TMEM43: variants seen among roughly 807,000 people sequenced by gnomAD.
TMEM43 encodes the protein arrhythmogenic right ventricular dysplasia 5.
A neutral mutation model predicts 49.6 loss-of-function variants in TMEM43; 45 were observed. That is an observed-to-expected ratio of 0.91 (90% CI 0.71 to 1.16). The LOEUF is 1.16. Ranked by LOEUF, TMEM43 falls within the 50% of genes most tolerant of loss-of-function variation. The pLI, the probability that TMEM43 is intolerant of heterozygous loss-of-function variation, is 0.00. For synonymous variants in TMEM43, 199 were observed against 207.8 expected (o/e 0.96, Z 0.36); for missense variants, 532 against 516.6 (o/e 1.03, Z -0.29).
At chr3:14,125,338 G>C in intron 1 of TMEM43, 133 bp downstream of exon 1, 1 of 1,117,868 alleles carries the variant, frequency 8.9e-7, no homozygotes, top group Non-Finnish European at 1.3e-6. Context: ...CCCTCTGCTC[G>C]CCGTGTCTGT....
In TMEM43 at chr3:14,142,007, C is replaced by T. The variant is rs1438343489; in HGVS notation, c.*212C>T. ...CACATCTCTTCTTGCCAGTAAGCAG[C>T]TTTGGTGGGCAGCAGCAGCTCATGA... On this transcript the variant is annotated 3_prime_UTR_variant, in exon 12 of 12. Transcript: ENST00000306077. 3.4e-6 allele frequency: 2 copies of T among 592,370 alleles called. No homozygotes were observed. Among genetic ancestry groups the T allele is most frequent in the East Asian group, 5.6e-5 (2 of 35,572 alleles). The allele number at this position is 592,370 out of a possible 1,614,324, so 36.7% of individuals were successfully genotyped here. A position where few individuals can be genotyped will look rare whatever the true frequency, so the allele number is the denominator to read the frequency against.
In TMEM43 at chr3:14,134,764, C is replaced by T; in HGVS notation, c.584-6C>T. The stretch of plus-strand genomic sequence containing the variant: ...CCTGGGTTTCTAACCACTCTGGTCC[C>T]CTCAGGCCTCATCGACAAAGTCGAC... On this transcript the variant is annotated splice_region_variant and splice_polypyrimidine_tract_variant and intron_variant, in intron 7 of 11. Transcript: ENST00000306077. 6.2e-7 allele frequency: 1 copy of T among 1,614,076 alleles called. No homozygotes were observed. Among genetic ancestry groups the T allele is most frequent in the Non-Finnish European group, 8.5e-7 (1 of 1,179,964 alleles).
At chr3:14,134,175 G>T (rs918630061) in intron 7 of TMEM43, among the ~76,000 whole-genome samples, 3 of 152,196 alleles carry the variant, frequency 2.0e-5, no homozygotes, top group Non-Finnish European at 4.4e-5. Context: ...TCTCAGCCTA[G>T]GGCTCCCCCT....
chr3:14,141,711 CCT>C lies in TMEM43; in HGVS notation c.1120_1121del (p.Leu374ValfsTer49), dbSNP rs746672224. ...CGGCTGGCTGGCTCTTCTACCGACCCCTGTGGGCCCTCCTCATTGCCGGCCTG... is the reference window on the plus strand; with the variant it reads ...CGGCTGGCTGGCTCTTCTACCGACCCGTGGGCCCTCCTCATTGCCGGCCTG... ...VAAGWLFYRP[L>X]WALLIAGLAL... On this transcript the variant is annotated frameshift_variant, in exon 12 of 12. Coordinates refer to ENST00000306077, the MANE Select transcript of TMEM43 (RefSeq NM_024334.3). LOFTEE classifies it high-confidence loss of function. 5.0e-5 allele frequency: 81 copies of C among 1,614,214 alleles called. No individual in the cohort carries two copies. The Admixed American group carries it at 9.7e-4, about 19-fold the overall frequency.
chr3:14,133,605 T>C, intron 6 of TMEM43, 134 bp from the exon 7 acceptor site: 2 of 829,814 alleles, frequency 2.4e-6, no homozygotes, highest in Non-Finnish European at 4.2e-6. Context: ...CAGGACAAGA[T>C]GTCTGCTGCG....
At position 14,129,502 on chromosome 3, in the gene TMEM43, G is replaced by T. The variant is rs1224024990; in HGVS notation, c.103G>T (p.Gly35Trp). The T allele has an allele frequency of 6.2e-7, 1 of 1,614,110 alleles. No individual in the cohort carries two copies. ...GGAACGGCTGAGCGAGACCTCGGGT[G>T]GGATGTTTGTGGGGCTCATGGCCTT... ...FLERLSETSG[G>W]MFVGLMAFLL... is the part of the protein sequence containing the mutation. Residue 35 changes from glycine (G) to tryptophan (W), a missense_variant, in exon 2 of 12, where the codon GGG becomes TGG. Transcript: ENST00000306077.
intron 4 of TMEM43, 79 bp from the exon 5 acceptor site, chr3:14,132,467 C>T (rs1414837197): frequency 4.4e-5 from 67 of 1,524,520 alleles, no homozygotes; most frequent in Non-Finnish European, 6.1e-5. Flanking sequence ...CCTGAGGTTG[C>T]TTCCTGCTCA....
rs1021721320 is a variant in TMEM43, at chr3:14,129,495, C to T, written c.96C>T (p.Thr32=). ...GCTTCCTGGAACGGCTGAGCGAGAC[C>T]TCGGGTGGGATGTTTGTGGGGCTCA... ...QPGFLERLSE[T]SGGMFVGLMA... The change falls in exon 2 of 12, where the codon ACC becomes ACT. Residue 32 remains threonine (T), a synonymous_variant. Transcript: ENST00000306077. 8 of 1,613,912 alleles carry T rather than the reference C, an allele frequency of 5.0e-6. No homozygotes were observed. In the Admixed American group the frequency reaches 6.7e-5, roughly 13 times the overall value.
chr3:14,131,511 G>C, intron 3 of TMEM43, 69 bp from the exon 4 acceptor site: 1 of 1,344,074 alleles, frequency 7.4e-7, no homozygotes. Context: ...AGCTTCCCCT[G>C]AGCCAGGCTT....
rs566617291 is a variant in TMEM43, at chr3:14,138,421, A to G, written c.883-759A>G. Among the ~76,000 whole-genome samples, 27 of 152,166 alleles carry G rather than the reference A, an allele frequency of 1.8e-4. 1 individual carries two copies. In the South Asian group the frequency reaches 5.6e-3, roughly 32 times the overall value. On this transcript the variant is annotated intron_variant, in intron 10 of 11. Coordinates refer to ENST00000306077, the MANE Select transcript of TMEM43 (RefSeq NM_024334.3). ...GCAGACAGTGGTAAGAGACTCGGGAATATGTGGCCTGGACTGGATGGGGTG... is the reference window on the plus strand; with the variant it reads ...GCAGACAGTGGTAAGAGACTCGGGAGTATGTGGCCTGGACTGGATGGGGTG...
rs765185040 is a variant in TMEM43, at chr3:14,135,224, G to C, written c.772G>C (p.Ala258Pro). 1 of 1,612,050 alleles carries C rather than the reference G, an allele frequency of 6.2e-7. No homozygotes were observed. The highest frequency in any genetic ancestry group is 8.5e-7 in the Non-Finnish European group (1 of 1,179,936). ...CGGCGATGACCCTGACCTGGGCCCA[G>C]CTCACGTGGTAACCTGGCTTCCCAG... ...LSGDDPDLGPAHVVTVIARQR... is the reference protein window; with the variant it reads ...LSGDDPDLGPPHVVTVIARQR... Residue 258 changes from alanine (A) to proline (P), a missense_variant, in exon 9 of 12, where the codon GCT becomes CCT. Physicochemically the swap from Ala to Pro is conservative, Grantham distance 27. Transcript: ENST00000306077.
intron 1 of TMEM43, among the ~76,000 whole-genome samples, chr3:14,125,859 C>T (rs1695012733): frequency 6.6e-6 from 1 of 152,176 alleles, no homozygotes. Context: ...GCCTCTTCTC[C>T]CTGCAACTAG....
chr3:14,132,847 G>T lies in TMEM43; in HGVS notation c.443-19G>T. The T allele has an allele frequency of 6.2e-7, 1 of 1,613,362 alleles. No homozygotes were observed. The highest frequency in any genetic ancestry group is 1.1e-5 in the South Asian group (1 of 90,940). On this transcript the variant is annotated intron_variant, in intron 5 of 11. Coordinates refer to ENST00000306077, the MANE Select transcript of TMEM43 (RefSeq NM_024334.3). ...GCCACTCCTACCCGGGCTCTGAGTT[G>T]ATTCCTCTCCCTGAGCAGACACTGA...
At chr3:14,130,073 C>G (rs985341411) in intron 2 of TMEM43, among the ~76,000 whole-genome samples, 2 of 132,748 alleles carry the variant, frequency 1.5e-5, no homozygotes, top group African/African-American at 5.6e-5. Context: ...CTCTCTCTTT[C>G]TCTCTTTCTT....
rs1695283990 is a variant in TMEM43 at position 14,143,575 on chromosome 3, T to TA, written c.*1784dup. ...TAACTGCCGACTTCAAAAGTGTTCT[T>TA]AAAACGAAAGATAATGTTAAGAAAA... On this transcript the variant is annotated 3_prime_UTR_variant, in exon 12 of 12. Transcript: ENST00000306077. The TA allele has an allele frequency of 6.6e-6, 1 of 152,256 alleles. No homozygotes were observed. The highest frequency in any genetic ancestry group is 1.5e-5 in the Non-Finnish European group (1 of 68,042). 9.4% of individuals were successfully genotyped at this position (152,256 alleles called of 1,614,324 possible).
intron 6 of TMEM43, 42 bp from the exon 7 acceptor site, chr3:14,133,697 C>T (rs1157486805): frequency 4.4e-6 from 7 of 1,598,570 alleles, no homozygotes; most frequent in African/African-American, 1.3e-5. Context: ...CGGGCAGCTC[C>T]CACACCGGTG....
chr3:14,140,485 C>T (rs563394942), intron 11 of TMEM43, among the ~76,000 whole-genome samples: 44 of 152,264 alleles, frequency 2.9e-4, no homozygotes, highest in Middle Eastern at 3.4e-3. Context: ...CACAGTTCCC[C>T]ATGCGTTTGA....
intron 1 of TMEM43, among the ~76,000 whole-genome samples, chr3:14,126,487 A>AG (rs1407033745): frequency 1.3e-5 from 2 of 152,182 alleles, no homozygotes; most frequent in Non-Finnish European, 2.9e-5. Context: ...CTTTGGAGTT[A>AG]GGGAGACCTG....
Position 14,141,865 on chromosome 3 carries a change from G to C in TMEM43, c.*70G>C. 1 of 1,490,198 alleles carries C rather than the reference G, an allele frequency of 6.7e-7. No individual in the cohort carries two copies. The highest frequency in any genetic ancestry group is 1.2e-5 in the South Asian group (1 of 83,880). 92.3% of individuals were successfully genotyped at this position (1,490,198 alleles called of 1,614,324 possible). On this transcript the variant is annotated 3_prime_UTR_variant, in exon 12 of 12. Transcript: ENST00000306077. ...CAGGTCCTCTCTCACCTCTGACCCAGCTCCATGCCAGAGCAGGAGCCCCGG... is the reference window on the plus strand; with the variant it reads ...CAGGTCCTCTCTCACCTCTGACCCACCTCCATGCCAGAGCAGGAGCCCCGG...
Sources: gnomAD v4.1 joint callset for allele counts (sites outside exome capture counted in the v4.1 genomes callset) on GRCh38, gnomAD v4.1.1 for gene constraint, MANE v1.5 for transcripts, NCBI Gene and HGNC (gene_info 2026-07-23, HGNC 2026-07-21) for gene names.